Variants in ZNF232 observed in about 807,000 individuals in gnomAD.
The protein encoded by ZNF232 is zinc finger protein 232.
Under a neutral mutation model 25.2 loss-of-function variants are expected in ZNF232, and 25 were observed. The observed-to-expected ratio is 0.99, with a 90% CI of 0.72 to 1.39. ZNF232 has a LOEUF of 1.39. ZNF232 is among the 40% of genes most tolerant of loss of function. The pLI is 0.00. For synonymous variants in ZNF232, 193 were observed against 182.9 expected, an observed-to-expected ratio of 1.06 and a Z score of -0.45; for missense variants, 519 against 520.9, an observed-to-expected ratio of 1.00 and a Z score of 0.04.
chr17:5,116,971 A>C (rs893806311), intron 1 of ZNF232, among the ~76,000 whole-genome samples: 1 of 152,354 alleles, frequency 6.6e-6, no homozygotes, highest in Admixed American at 6.5e-5. Flanking sequence ...CGGTGCCTAC[A>C]TTCTTGGGGA....
chr17:5,107,079 C>A (rs138962896), intron 3 of ZNF232, among the ~76,000 whole-genome samples: 2 of 151,674 alleles, frequency 1.3e-5, no homozygotes, highest in Non-Finnish European at 2.9e-5. Context: ...CTGCCTTTCT[C>A]TTCCTTAAAA....
chr17:5,112,751 A>AT (rs887604900), upstream of ZNF232, among the ~76,000 whole-genome samples: 1,344 of 145,344 alleles, frequency 9.2e-3, 23 homozygotes, highest in African/African-American at 0.029. Flanking sequence ...ATTATTTTTT[A>AT]TTTTTTTTTT....
At chr17:5,115,893 C>T (rs901983824), upstream of ZNF232, among the ~76,000 whole-genome samples, 1 of 152,184 alleles carries the variant, frequency 6.6e-6, no homozygotes, top group African/African-American at 2.4e-5. Context: ...CTCGAGGCGC[C>T]GGGCTAGGGA....
chr17:5,120,135 G>A (rs184712727), intron 1 of ZNF232, among the ~76,000 whole-genome samples: 3 of 152,284 alleles, frequency 2.0e-5, no homozygotes, highest in Admixed American at 1.3e-4. Context: ...CAGGACACCC[G>A]GAAGGTGTTT....
At chr17:5,109,862 G>A (rs779758971) in exon 2 of ZNF232, 2 of 1,601,608 alleles carry the variant, frequency 1.2e-6, no homozygotes, top group East Asian at 2.2e-5. Context: ...AATCTTGCAA[G>A]GGCCCCCTGT....
chr17:5,111,692 C>T (rs370062471), intron 1 of ZNF232, 108 bp downstream of exon 1: 2 of 1,574,434 alleles, frequency 1.3e-6, no homozygotes, highest in African/African-American at 1.4e-5. Flanking sequence ...CACACACAAC[C>T]GCGGAGCTGC....
intron 3 of ZNF232, 184 bp downstream of exon 3, chr17:5,108,742 T>C (rs1440914987): frequency 6.8e-6 from 6 of 884,624 alleles, no homozygotes; most frequent in Middle Eastern, 3.2e-4. Flanking sequence ...TAGTTTATTC[T>C]TACTCCTAAT....
At chr17:5,115,577 A>C (rs376762016), upstream of ZNF232, among the ~76,000 whole-genome samples, 3 of 79,020 alleles carry the variant, frequency 3.8e-5, no homozygotes, top group African/African-American at 1.5e-4. Context: ...CACACACACA[A>C]AACCCAAAAC....
At position 5,122,107 on chromosome 17, in the gene ZNF232, G is replaced by C. The variant is rs374923673; in HGVS notation, c.-530+870C>G. ...GTGTCAGGGGGCTGGAGCAGGGAGT[G>C]TGGCCAGAGAAGTCCTGCGGGGTGG... On this transcript the variant is annotated intron_variant, in intron 1 of 4. Transcript: ENST00000250076. Among the ~76,000 whole-genome samples, 29 of 151,722 alleles carry C rather than the reference G, an allele frequency of 1.9e-4. No homozygotes were observed. The South Asian group carries it at 2.3e-3, about 12-fold the overall frequency.
chr17:5,119,356 C>T (rs1372012461), intron 1 of ZNF232, among the ~76,000 whole-genome samples: 2 of 152,214 alleles, frequency 1.3e-5, no homozygotes, highest in Admixed American at 1.3e-4. Context: ...ACATTAGCTT[C>T]TGCTACCTAT....
upstream of ZNF232, among the ~76,000 whole-genome samples, chr17:5,116,285 C>G (rs1219851968): frequency 6.6e-6 from 1 of 151,870 alleles, no homozygotes; most frequent in Admixed American, 6.6e-5. Context: ...CTCCGGGCGG[C>G]CCCCCTCACC....
rs139824650 is a variant in ZNF232, at chr17:5,107,824, C to T, written c.625+1102G>A. On this transcript the variant is annotated intron_variant, in intron 3 of 3. Coordinates refer to ENST00000575898, the Ensembl canonical transcript of ZNF232. ...TGCTGGGATTATAGGCGTGAGCCAC[C>T]GTGCCCAGCCAAGATCATTTGATTT... Among the ~76,000 whole-genome samples, 116 of 152,100 alleles carry T rather than the reference C, an allele frequency of 7.6e-4. 1 individual carries two copies. The Middle Eastern group carries it at 0.01, about 13-fold the overall frequency.
At chr17:5,109,317 C>G in intron 2 of ZNF232, 77 bp downstream of exon 2, 1 of 1,552,978 alleles carries the variant, frequency 6.4e-7, no homozygotes, top group Non-Finnish European at 8.9e-7. Flanking sequence ...CTTGGCACCT[C>G]CCCCTACAGC....
At chr17:5,111,670 C>A in intron 1 of ZNF232, 130 bp downstream of exon 1, 2 of 1,472,638 alleles carry the variant, frequency 1.4e-6, no homozygotes, top group East Asian at 4.8e-5. Flanking sequence ...ACGGGCAACC[C>A]AAACCCCTCT....
chr17:5,109,953 G>T (rs1285536902), intron 1 of ZNF232, 85 bp from the exon 2 acceptor site: 6 of 1,330,908 alleles, frequency 4.5e-6, no homozygotes, highest in Non-Finnish European at 5.0e-6. Flanking sequence ...GCAGTGACAT[G>T]ATCTCAGCTC....
At chr17:5,113,706 C>T (rs2072468552), upstream of ZNF232, 1 of 152,228 alleles carries the variant, frequency 6.6e-6, no homozygotes, top group South Asian at 2.1e-4. Context: ...GGATTAGATT[C>T]TGTCCCAGAA....
In ZNF232 at chr17:5,109,471, C is replaced by A. The variant is rs1197878071; in HGVS notation, c.421G>T (p.Gly141Ter). ...TCCTCTCCACTCTTAGGGTGATGTC[C>A]CCGCACCCAGGATTGGAGCTCCTCA... Residue 141 changes from glycine to a stop codon, truncating the protein, a stop_gained, in exon 2 of 4, where the codon GGA becomes TGA. Coordinates refer to ENST00000575898, the Ensembl canonical transcript of ZNF232. LOFTEE classifies it high-confidence loss of function. The A allele has an allele frequency of 8.7e-6, 14 of 1,614,128 alleles. No individual in the cohort carries two copies. The highest frequency in any genetic ancestry group is 2.2e-5 in the East Asian group (1 of 44,886).
exon 4 of ZNF232, chr17:5,105,966 T>C (rs751361456): frequency 5.6e-6 from 9 of 1,614,108 alleles, no homozygotes; most frequent in African/African-American, 5.3e-5. Context: ...ATATGAGCTT[T>C]GACTAAAGGC....
intron 1 of ZNF232, chr17:5,118,115 CTGGCTAGCATTCACTTATTCTACCA>C (rs1368951919): frequency 5.3e-5 from 8 of 152,028 alleles, no homozygotes; most frequent in Non-Finnish European, 1.2e-4. Context: ...TGGCAGATTA[CTGGCTAGCATTCACTTATTCTACCA>C]TAGTCATGTG....
Sources: gnomAD v4.1 joint callset for allele counts (sites outside exome capture counted in the v4.1 genomes callset) on GRCh38, gnomAD v4.1.1 for gene constraint, MANE v1.5 for transcripts, NCBI Gene and HGNC (gene_info 2026-07-23, HGNC 2026-07-21) for gene names.